The following CLVS1 variants were observed in gnomAD, a reference collection of about 807,000 sequenced individuals.
CLVS1 encodes clavesin 1.
CLVS1 carries 10 observed loss-of-function variants against 33.1 expected under a neutral mutation model. That is an observed-to-expected ratio of 0.30 (90% CI 0.19 to 0.51). CLVS1 has a LOEUF of 0.51. Among genes scored for constraint, CLVS1 ranks in the 20% least tolerant of loss-of-function variants. CLVS1 has a pLI of 0.97. For missense variants in CLVS1, 343 were observed against 433.4 expected (o/e 0.79, Z 1.85); for synonymous variants, 163 against 166.1 (o/e 0.98, Z 0.14).
rs117375155 is a variant in CLVS1 at position 61,238,657 on chromosome 8, A to G, written c.-151-61020A>G. Among the ~76,000 whole-genome samples, 1,090 of 152,282 alleles carry G rather than the reference A, an allele frequency of 7.2e-3. 7 individuals carry two copies. The highest frequency in any genetic ancestry group is 0.013 in the Non-Finnish European group (874 of 68,020). On this transcript the variant is annotated intron_variant, in intron 2 of 2. Coordinates refer to the CLVS1 transcript ENST00000522621. ...TGCTTCCAACAATTACACTCTGCCA[A>G]TTGGCATCATACCACTCTTGGTTTG...
At chr8:61,432,979 G>A (rs1402281137) in intron 3 of CLVS1, among the ~76,000 whole-genome samples, 2 of 152,158 alleles carry the variant, frequency 1.3e-5, no homozygotes, top group Non-Finnish European at 2.9e-5. Flanking sequence ...AATGAGGCCA[G>A]TGCTCACTCT....
At chr8:61,285,399 A>G (rs749297463), upstream of CLVS1, among the ~76,000 whole-genome samples, 7 of 152,100 alleles carry the variant, frequency 4.6e-5, no homozygotes, top group Admixed American at 4.6e-4. Context: ...CCTTTCCTTC[A>G]CTTACCCTGA....
Position 61,170,989 on chromosome 8 carries a change from T to C in CLVS1, c.-152+39129T>C, listed in dbSNP as rs147044960. Among the ~76,000 whole-genome samples the C allele has an allele frequency of 4.6e-5, 7 of 152,344 alleles. No homozygotes were observed. In the East Asian group the frequency reaches 1.3e-3, roughly 29 times the overall value. Reference sequence around the variant, plus strand: ...TATGTTTATTTTTGGTAAAAGATTTTTGAGTAAAACATATGACTCTTTAGA... The same window carrying C: ...TATGTTTATTTTTGGTAAAAGATTTCTGAGTAAAACATATGACTCTTTAGA... On this transcript the variant is annotated intron_variant, in intron 2 of 2. Coordinates refer to the CLVS1 transcript ENST00000522621.
chr8:61,139,632 G>C (rs1201224506), intron 2 of CLVS1, among the ~76,000 whole-genome samples: 1 of 151,974 alleles, frequency 6.6e-6, no homozygotes, highest in East Asian at 1.9e-4. Context: ...CTGGGGCCAG[G>C]TGGAAGGCGA....
chr8:61,315,813 G>C (rs1393619030), intron 2 of CLVS1, among the ~76,000 whole-genome samples: 18 of 152,068 alleles, frequency 1.2e-4, no homozygotes, highest in Non-Finnish European at 1.6e-4. Context: ...ATGTGTCATG[G>C]TGGTTTGCTG....
At chr8:61,165,156 G>A (rs116149284) in intron 2 of CLVS1, among the ~76,000 whole-genome samples, 2,144 of 152,368 alleles carry the variant, frequency 0.014, 46 homozygotes, top group African/African-American at 0.049. Flanking sequence ...CCCATCGGGA[G>A]TGGCAACGGG....
chr8:61,015,985 C>A, the CLVS1 span, among the ~76,000 whole-genome samples: 2 of 152,116 alleles, frequency 1.3e-5, no homozygotes, highest in African/African-American at 4.8e-5. Flanking sequence ...GTTGAGCATG[C>A]CTAATTTGAA....
intron 2 of CLVS1, among the ~76,000 whole-genome samples, chr8:61,318,776 G>T (rs1270095680): frequency 6.6e-6 from 1 of 151,898 alleles, no homozygotes; most frequent in African/African-American, 2.4e-5. Flanking sequence ...CTTTTTGTTT[G>T]TTTGTTTGTT....
At chr8:61,326,313 C>T (rs1247060589) in intron 2 of CLVS1, among the ~76,000 whole-genome samples, 1 of 152,116 alleles carries the variant, frequency 6.6e-6, no homozygotes, top group East Asian at 1.9e-4. Context: ...TCTTTCCTGA[C>T]TTTTGGTGGG....
intron 2 of CLVS1, among the ~76,000 whole-genome samples, chr8:61,325,045 G>A (rs1811330690): frequency 6.6e-6 from 1 of 151,980 alleles, no homozygotes; most frequent in South Asian, 2.1e-4. Flanking sequence ...CCTACTTTAG[G>A]GACAGAAAAT....
intron 2 of CLVS1, among the ~76,000 whole-genome samples, chr8:61,306,185 A>G (rs182775751): frequency 1.1e-3 from 174 of 152,256 alleles, no homozygotes; most frequent in African/African-American, 3.9e-3. Context: ...TCTTTCCACA[A>G]CTTCACCATC....
At chr8:61,163,463 T>G (rs1585654487) in intron 2 of CLVS1, among the ~76,000 whole-genome samples, 1 of 152,200 alleles carries the variant, frequency 6.6e-6, no homozygotes, top group African/African-American at 2.4e-5. Flanking sequence ...AAAGACTCTA[T>G]ATGTAAAAAA....
upstream of CLVS1, among the ~76,000 whole-genome samples, chr8:61,285,923 T>G (rs1287220072): frequency 2.0e-5 from 3 of 151,958 alleles, no homozygotes; most frequent in African/African-American, 7.3e-5. Context: ...AGGAAGAATA[T>G]TCTAGTTAAC....
Position 61,499,656 on chromosome 8 carries a change from C to T in CLVS1, c.*114C>T, listed in dbSNP as rs376468509. 7 of 694,250 alleles carry T rather than the reference C, an allele frequency of 1.0e-5. No homozygotes were observed. The African/African-American group carries it at 1.2e-4, about 12-fold the overall frequency. The allele number at this position is 694,250 out of a possible 1,614,324, so 43.0% of individuals were successfully genotyped here. A position where few individuals can be genotyped will look rare whatever the true frequency, so the allele number is the denominator to read the frequency against. The stretch of plus-strand genomic sequence containing the variant: ...CGTGTGTTCTGCTTGACACAAGGTC[C>T]TCCACTCCTGAACCCCTGCAGTGAC... On this transcript the variant is annotated 3_prime_UTR_variant, in exon 6 of 6. Transcript: ENST00000325897.
intron 5 of CLVS1, among the ~76,000 whole-genome samples, chr8:61,479,738 C>T (rs530129397): frequency 2.7e-4 from 41 of 152,072 alleles, no homozygotes; most frequent in African/African-American, 8.2e-4. Context: ...TTTTTGATGT[C>T]GGTGATGTAC....
At chr8:61,239,311 G>A (rs4085480) in intron 2 of CLVS1, among the ~76,000 whole-genome samples, 25,633 of 152,066 alleles carry the variant, frequency 0.17, 3,982 homozygotes, top group East Asian at 0.68. Flanking sequence ...TAACGTTGGT[G>A]GAATCACATG....
the CLVS1 span, among the ~76,000 whole-genome samples, chr8:61,001,953 C>T: frequency 4.1e-4 from 63 of 152,212 alleles, 1 homozygote; most frequent in Admixed American, 2.9e-3. Flanking sequence ...TTTGAACCCT[C>T]TTTAAAGCAT....
At chr8:61,084,133 C>A (rs1805076076) in intron 1 of CLVS1, among the ~76,000 whole-genome samples, 1 of 152,186 alleles carries the variant, frequency 6.6e-6, no homozygotes, top group African/African-American at 2.4e-5. Flanking sequence ...CAAGATAACA[C>A]TTACCTGGCA....
intron 1 of CLVS1, among the ~76,000 whole-genome samples, chr8:61,127,081 G>T (rs538687052): frequency 6.6e-6 from 1 of 152,268 alleles, no homozygotes; most frequent in South Asian, 2.1e-4. Flanking sequence ...GAACCAAAAA[G>T]CGTGAGTTAG....
Sources: allele counts gnomAD v4.1 joint callset (sites outside exome capture counted in the v4.1 genomes callset), GRCh38; gene constraint gnomAD v4.1.1; transcripts MANE v1.5; gene names NCBI Gene and HGNC (gene_info 2026-07-23, HGNC 2026-07-21).